FGF14: variants seen among roughly 807,000 people sequenced by gnomAD.
FGF14 encodes fibroblast growth factor homologous factor 4.
A neutral mutation model predicts 25.5 loss-of-function variants in FGF14; 5 were observed. That is an observed-to-expected ratio of 0.20 (90% CI 0.10 to 0.41). FGF14 has a LOEUF of 0.41. FGF14 is among the 10% of genes least tolerant of loss of function. The pLI is 1.00. For synonymous variants in FGF14, 138 were observed against 118.3 expected, an observed-to-expected ratio of 1.17 and a Z score of -1.08; for missense variants, 222 against 320.1, an observed-to-expected ratio of 0.69 and a Z score of 2.34.
intron 1 of FGF14, chr13:102,373,535 G>C (rs1247511581): frequency 3.3e-5 from 5 of 152,228 alleles, no homozygotes; most frequent in Middle Eastern, 6.8e-3. Flanking sequence ...TGATTGAAGT[G>C]ATTTTTATGA....
chr13:101,787,529 T>C (rs1003623163), intron 3 of FGF14, among the ~76,000 whole-genome samples: 6 of 152,182 alleles, frequency 3.9e-5, no homozygotes, highest in African/African-American at 1.4e-4. Flanking sequence ...AAGGATTGTG[T>C]CTGCAAGCAG....
intron 1 of FGF14, among the ~76,000 whole-genome samples, chr13:102,099,297 C>CA (rs759030661): frequency 2.5e-4 from 38 of 152,292 alleles, no homozygotes; most frequent in Middle Eastern, 3.4e-3. Flanking sequence ...ACAGAAATAA[C>CA]AGAGTGCTTG....
intron 1 of FGF14, among the ~76,000 whole-genome samples, chr13:102,270,476 C>A (rs1054943582): frequency 6.6e-6 from 1 of 152,064 alleles, no homozygotes; most frequent in Admixed American, 6.5e-5. Context: ...AACACTTTGC[C>A]TACTTAGGTT....
At chr13:102,248,659 G>A (rs1215022356) in intron 1 of FGF14, among the ~76,000 whole-genome samples, 2 of 152,080 alleles carry the variant, frequency 1.3e-5, no homozygotes, top group Non-Finnish European at 2.9e-5. Flanking sequence ...AAATTCACCA[G>A]GAAATTGTGA....
At chr13:101,731,928 TA>T (rs1199305730) in intron 3 of FGF14, among the ~76,000 whole-genome samples, 4 of 152,196 alleles carry the variant, frequency 2.6e-5, no homozygotes, top group Non-Finnish European at 5.9e-5. Context: ...TCACAAAACC[TA>T]AAATGTTTAC....
At chr13:102,180,386 C>A (rs1472793772) in intron 1 of FGF14, among the ~76,000 whole-genome samples, 1 of 152,122 alleles carries the variant, frequency 6.6e-6, no homozygotes, top group Non-Finnish European at 1.5e-5. Context: ...AATCTCAGCT[C>A]ACTGCAACCT....
At chr13:102,397,386 C>CA (rs2058610030) in intron 1 of FGF14, among the ~76,000 whole-genome samples, 1 of 152,130 alleles carries the variant, frequency 6.6e-6, no homozygotes, top group African/African-American at 2.4e-5. Flanking sequence ...TGTTCCACCT[C>CA]AAAGTTACAC....
intron 1 of FGF14, among the ~76,000 whole-genome samples, chr13:102,168,829 G>T (rs1051485734): frequency 1.3e-5 from 2 of 151,872 alleles, no homozygotes; most frequent in African/African-American, 4.8e-5. Context: ...ATTCCTCCTC[G>T]AACTGTTTTA....
intron 1 of FGF14, among the ~76,000 whole-genome samples, chr13:102,139,292 C>T (rs189768491): frequency 1.3e-5 from 2 of 151,890 alleles, no homozygotes; most frequent in East Asian, 1.9e-4. Context: ...CCCAGTTAAT[C>T]GGGAGGCTGA....
At chr13:101,752,552 A>G (rs963562483) in intron 3 of FGF14, among the ~76,000 whole-genome samples, 1 of 152,228 alleles carries the variant, frequency 6.6e-6, no homozygotes, top group African/African-American at 2.4e-5. Context: ...ATCATTTCAG[A>G]ATGCTTTTAG....
chr13:102,212,076 G>T (rs1327247005), intron 1 of FGF14, among the ~76,000 whole-genome samples: 1 of 152,096 alleles, frequency 6.6e-6, no homozygotes, highest in Non-Finnish European at 1.5e-5. Flanking sequence ...GGACGTTAGG[G>T]AATAAACAGA....
At chr13:101,727,807 A>C (rs2035540987) in intron 3 of FGF14, among the ~76,000 whole-genome samples, 1 of 152,136 alleles carries the variant, frequency 6.6e-6, no homozygotes, top group Admixed American at 6.6e-5. Context: ...AGTTTTAAAT[A>C]GGTCCAACAC....
At chr13:101,923,609 T>A (rs1244917930) in intron 1 of FGF14, among the ~76,000 whole-genome samples, 1 of 152,070 alleles carries the variant, frequency 6.6e-6, no homozygotes, top group African/African-American at 2.4e-5. Flanking sequence ...ATTATTGACC[T>A]TTATTTTAGA....
intron 1 of FGF14, among the ~76,000 whole-genome samples, chr13:102,047,145 G>T (rs932117058): frequency 6.6e-6 from 1 of 152,012 alleles, no homozygotes; most frequent in African/African-American, 2.4e-5. Flanking sequence ...CTAGATAAGA[G>T]AACAAAATAT....
At chr13:102,236,279 G>T (rs879639016) in intron 1 of FGF14, among the ~76,000 whole-genome samples, 2 of 152,170 alleles carry the variant, frequency 1.3e-5, no homozygotes, top group Non-Finnish European at 2.9e-5. Flanking sequence ...CTTGGGGTCT[G>T]GATCAGGACC....
At chr13:102,352,213 C>T (rs1027161612) in intron 1 of FGF14, among the ~76,000 whole-genome samples, 3 of 149,566 alleles carry the variant, frequency 2.0e-5, no homozygotes, top group Non-Finnish European at 4.4e-5. Flanking sequence ...TTATAAAATA[C>T]CCAAACAACC....
chr13:102,069,034 A>G (rs903670963), intron 1 of FGF14, among the ~76,000 whole-genome samples: 1 of 152,076 alleles, frequency 6.6e-6, no homozygotes, highest in African/African-American at 2.4e-5. Context: ...TAGTGCACCA[A>G]TCGACACTCT....
chr13:101,730,264 C>T (rs2035721719), intron 3 of FGF14, among the ~76,000 whole-genome samples: 1 of 152,176 alleles, frequency 6.6e-6, no homozygotes, highest in African/African-American at 2.4e-5. Flanking sequence ...CAACCCTAAT[C>T]TCTCACAAAA....
intron 1 of FGF14, among the ~76,000 whole-genome samples, chr13:102,161,567 A>AGTCAT (rs1386258495): frequency 0.015 from 30 of 2,058 alleles, 1 homozygote; most frequent in Admixed American, 0.02. Context: ...ACTTTCTGTG[A>AGTCAT]AGAAAGAAAG....
Sources: gnomAD v4.1 joint callset for allele counts (sites outside exome capture counted in the v4.1 genomes callset) on GRCh38, gnomAD v4.1.1 for gene constraint, MANE v1.5 for transcripts, NCBI Gene and HGNC (gene_info 2026-07-23, HGNC 2026-07-21) for gene names.